The following BARD1 variants were observed in gnomAD, a reference collection of about 807,000 sequenced individuals.
The protein encoded by BARD1 is BRCA1 associated RING domain 1.
Under a neutral mutation model 77.0 loss-of-function variants are expected in BARD1, and 73 were observed. The ratio of observed to expected loss-of-function variants is 0.95; its 90% CI spans 0.79 to 1.15. BARD1 has a LOEUF of 1.15. BARD1 is among the 50% of genes most tolerant of loss of function. BARD1 has a pLI of 0.00. For missense variants in BARD1, 993 were observed against 938.8 expected, an observed-to-expected ratio of 1.06 and a Z score of -0.75; for synonymous variants, 384 against 338.0, an observed-to-expected ratio of 1.14 and a Z score of -1.49.
rs1038616344 is a variant in BARD1, at chr2:214,809,543, G to A, written c.27C>T (p.Asn9=). 6.4e-7 allele frequency: 1 copy of A among 1,573,618 alleles called. No individual in the cohort carries two copies. The highest frequency in any genetic ancestry group is 1.4e-5 in the African/African-American group (1 of 73,978). ...TCCCGGAGCGGATCCTCGGCTGCCGGTTCCTCGGCTGCCGATTATCCGGCA... is the reference window on the plus strand; with the variant it reads ...TCCCGGAGCGGATCCTCGGCTGCCGATTCCTCGGCTGCCGATTATCCGGCA... MPDNRQPR[N]RQPRIRSGNE... Residue 9 remains asparagine, a synonymous_variant, in exon 1 of 11, where the codon AAC becomes AAT. Coordinates refer to ENST00000260947, the MANE Select transcript of BARD1 (RefSeq NM_000465.4).
rs537759238 is a variant in BARD1 at position 214,743,983 on chromosome 2, C to T, written c.1903+1084G>A. Reference sequence around the variant, plus strand: ...GCTCCCCACATTCCTCCTCTGTAACCACTAATCTTTTGTAACTACTAATCT... The same window carrying T: ...GCTCCCCACATTCCTCCTCTGTAACTACTAATCTTTTGTAACTACTAATCT... On this transcript the variant is annotated intron_variant, in intron 9 of 10. Transcript: ENST00000260947. Among the ~76,000 whole-genome samples, 6 of 152,220 alleles carry T rather than the reference C, an allele frequency of 3.9e-5. No individual in the cohort carries two copies. In the East Asian group the frequency reaches 9.7e-4, roughly 25 times the overall value.
intron 4 of BARD1, among the ~76,000 whole-genome samples, chr2:214,777,531 C>T (rs1348779854): frequency 6.6e-6 from 1 of 152,044 alleles, no homozygotes; most frequent in Non-Finnish European, 1.5e-5. Context: ...AACAATACAA[C>T]GCAAGTCTAA....
At chr2:214,791,980 G>A (rs775738852) in intron 3 of BARD1, among the ~76,000 whole-genome samples, 80 of 151,938 alleles carry the variant, frequency 5.3e-4, no homozygotes, top group South Asian at 2.7e-3. Context: ...ATAAAATAAG[G>A]GGGTTAGACT....
At position 214,781,218 on chromosome 2, in the gene BARD1, T is replaced by C. The variant is rs876660672; in HGVS notation, c.656A>G (p.Asn219Ser). Reference protein sequence around the residue: ...KTLAEINQKWNLEAEKEDGEF... With the variant: ...KTLAEINQKWSLEAEKEDGEF... ...ACCATCTTCTTTTTCTGCCTCTAAA[T>C]TCCATTTTTGGTTGATTTCAGCTAA... Residue 219 changes from asparagine to serine, a missense_variant, in exon 4 of 11, where the codon AAT (asparagine) becomes AGT (serine). Transcript: ENST00000260947. The C allele has an allele frequency of 1.9e-6, 3 of 1,594,436 alleles. No homozygotes were observed. In the South Asian group the frequency reaches 3.5e-5, roughly 19 times the overall value.
chr2:214,808,707 T>C (rs1474299480), intron 1 of BARD1, among the ~76,000 whole-genome samples: 2 of 147,996 alleles, frequency 1.4e-5, no homozygotes, highest in Non-Finnish European at 3.0e-5. Flanking sequence ...AAGCAAGAAG[T>C]AACACTCATG....
intron 6 of BARD1, among the ~76,000 whole-genome samples, chr2:214,754,181 A>G (rs1693589052): frequency 6.6e-6 from 1 of 152,032 alleles, no homozygotes; most frequent in Non-Finnish European, 1.5e-5. Flanking sequence ...TGAAGAACCA[A>G]TGTTCTAGGT....
At chr2:214,782,437 T>G (rs1330713220) in intron 3 of BARD1, among the ~76,000 whole-genome samples, 1 of 151,910 alleles carries the variant, frequency 6.6e-6, no homozygotes, top group African/African-American at 2.4e-5. Context: ...TTGTGCAAAT[T>G]CATTAAACTA....
At position 214,809,606 on chromosome 2, in the gene BARD1, G is replaced by A. The variant is rs1420897346; in HGVS notation, c.-37C>T. ...CGGATGAAAGGCTCCTCGCAGAGCG[G>A]GAAGCAAGGAAGCCTCGGGAAACCA... On this transcript the variant is annotated 5_prime_UTR_variant, in exon 1 of 11. Transcript: ENST00000260947. 1 of 1,525,514 alleles carries A rather than the reference G, an allele frequency of 6.6e-7. No individual in the cohort carries two copies. The highest frequency in any genetic ancestry group is 2.5e-5 in the East Asian group (1 of 40,536). The allele number at this position is 1,525,514 out of a possible 1,614,324, so 94.5% of individuals were successfully genotyped here. A position where few individuals can be genotyped will look rare whatever the true frequency, so the allele number is the denominator to read the frequency against.
In BARD1 at chr2:214,809,597, C is replaced by T; in HGVS notation, c.-28G>A. 4.6e-6 allele frequency: 7 copies of T among 1,532,262 alleles called. No individual in the cohort carries two copies. Among genetic ancestry groups the T allele is most frequent in the Non-Finnish European group, 6.1e-6 (7 of 1,142,446 alleles). 94.9% of individuals were successfully genotyped at this position (1,532,262 alleles called of 1,614,324 possible). A position where few individuals can be genotyped will look rare whatever the true frequency, so the allele number is the denominator to read the frequency against. On this transcript the variant is annotated 5_prime_UTR_variant, in exon 1 of 11. Coordinates refer to ENST00000260947, the MANE Select transcript of BARD1 (RefSeq NM_000465.4). The stretch of plus-strand genomic sequence containing the variant: ...TCCCGCCTTCGGATGAAAGGCTCCT[C>T]GCAGAGCGGGAAGCAAGGAAGCCTC...
chr2:214,792,174 A>T, intron 3 of BARD1, 123 bp downstream of exon 3: 1 of 932,886 alleles, frequency 1.1e-6, no homozygotes, highest in Non-Finnish European at 1.5e-6. Context: ...AAAAACCTAC[A>T]GATTTTAAAA....
chr2:214,742,770 T>C (rs1303433304), intron 9 of BARD1, among the ~76,000 whole-genome samples: 1 of 152,234 alleles, frequency 6.6e-6, no homozygotes, highest in East Asian at 1.9e-4. Context: ...CTTCAGCATA[T>C]TCACAAGAAC....
At chr2:214,773,414 T>C (rs940890199) in intron 4 of BARD1, among the ~76,000 whole-genome samples, 7 of 152,196 alleles carry the variant, frequency 4.6e-5, no homozygotes, top group African/African-American at 1.4e-4. Context: ...CCAACTGGAA[T>C]GAAGCTCTAA....
rs750554497 is a variant in BARD1, at chr2:214,725,866, C to T, written c.*2810G>A. The stretch of plus-strand genomic sequence containing the variant: ...TTGTGACTGTAATGAGGCCCATGAA[C>T]GTTTAGAATATGATTAATGCATTTT... On this transcript the variant is annotated 3_prime_UTR_variant, in exon 11 of 11. Coordinates refer to ENST00000260947, the MANE Select transcript of BARD1 (RefSeq NM_000465.4). 2 of 221,838 alleles carry T rather than the reference C, an allele frequency of 9.0e-6. No individual in the cohort carries two copies. The highest frequency in any genetic ancestry group is 1.8e-5 in the Non-Finnish European group (2 of 110,900). The allele number at this position is 221,838 out of a possible 1,614,324, so 13.7% of individuals were successfully genotyped here. A position where few individuals can be genotyped will look rare whatever the true frequency, so the allele number is the denominator to read the frequency against.
At chr2:214,763,214 G>A (rs566369609) in intron 6 of BARD1, among the ~76,000 whole-genome samples, 21 of 152,048 alleles carry the variant, frequency 1.4e-4, no homozygotes, top group Middle Eastern at 3.4e-3. Context: ...TTCAAAACTC[G>A]AAGTTCTTCT....
chr2:214,809,296 C>A lies in BARD1; in HGVS notation c.158+116G>T. 3 of 1,469,772 alleles carry A rather than the reference C, an allele frequency of 2.0e-6. No individual in the cohort carries two copies. In the South Asian group the frequency reaches 3.6e-5, roughly 18 times the overall value. The allele number at this position is 1,469,772 out of a possible 1,614,324, so 91.0% of individuals were successfully genotyped here. On this transcript the variant is annotated intron_variant, in intron 1 of 10. Transcript: ENST00000260947. ...CCGGCAGGTGCTAACCGCACGCCGA[C>A]CCGACTGCAGCGCGGGAACGGAAGG... is the stretch of plus-strand genomic sequence containing the variant.
chr2:214,767,603 G>A lies in BARD1; in HGVS notation c.1447C>T (p.His483Tyr). The A allele has an allele frequency of 1.2e-6, 2 of 1,614,034 alleles. No individual in the cohort carries two copies. Among genetic ancestry groups the A allele is most frequent in the Non-Finnish European group, 1.7e-6 (2 of 1,179,970 alleles). The change falls in exon 6 of 11, where the codon CAT (histidine) becomes TAT (tyrosine). Residue 483 changes from histidine to tyrosine, a missense_variant. Transcript: ENST00000260947. Reference sequence around the variant, plus strand: ...CCGGTGGTGTTCACCAATGCCTTATGCTGGAGCAATAATTCCACTACCTTC... The same window carrying A: ...CCGGTGGTGTTCACCAATGCCTTATACTGGAGCAATAATTCCACTACCTTC... ...HLKVVELLLQ[H>Y]KALVNTTGYQ...
At chr2:214,785,846 CTAAT>C (rs1318852811) in intron 3 of BARD1, among the ~76,000 whole-genome samples, 1 of 151,890 alleles carries the variant, frequency 6.6e-6, no homozygotes, top group African/African-American at 2.4e-5. Context: ...AAACATTCTC[CTAAT>C]TAACACAGAC....
chr2:214,752,388 C>A, intron 7 of BARD1, 59 bp downstream of exon 7: 2 of 1,430,382 alleles, frequency 1.4e-6, no homozygotes, highest in South Asian at 2.3e-5. Context: ...CTATTATGTT[C>A]CTTTCATAAC....
intron 1 of BARD1, among the ~76,000 whole-genome samples, 176 bp from the exon 2 acceptor site, chr2:214,797,293 C>T (rs1158785345): frequency 1.3e-5 from 2 of 152,166 alleles, no homozygotes; most frequent in Admixed American, 6.5e-5. Flanking sequence ...TGTACCATAA[C>T]ATACCTGATG....
Sources: gnomAD v4.1 joint callset for allele counts (sites outside exome capture counted in the v4.1 genomes callset) on GRCh38, gnomAD v4.1.1 for gene constraint, MANE v1.5 for transcripts, NCBI Gene and HGNC (gene_info 2026-07-23, HGNC 2026-07-21) for gene names.